The following RUNX1T1 variants were observed in gnomAD, a reference collection of about 807,000 sequenced individuals.
RUNX1T1 encodes the protein protein CBFA2T1.
RUNX1T1 carries 4 observed loss-of-function variants against 62.8 expected under a neutral mutation model. The ratio of observed to expected loss-of-function variants is 0.06; its 90% confidence interval spans 0.03 to 0.15. RUNX1T1 has a LOEUF of 0.15. RUNX1T1 is among the 10% of genes least tolerant of loss of function. The probability of loss-of-function intolerance (pLI) is 1.00; values close to 1 mark genes in which losing one functional copy is unlikely to be tolerated. For synonymous variants in RUNX1T1, 291 were observed against 286.0 expected, an observed-to-expected ratio of 1.02 and a Z score of -0.18; for missense variants, 508 against 754.3, an observed-to-expected ratio of 0.67 and a Z score of 3.82.
At chr8:91,963,101 TA>T (rs1200764254) in intron 10 of RUNX1T1, among the ~76,000 whole-genome samples, 1 of 152,154 alleles carries the variant, frequency 6.6e-6, no homozygotes, top group Non-Finnish European at 1.5e-5. Flanking sequence ...ATTTTACAAA[TA>T]AAAAAGTGGA....
At chr8:92,083,439 T>C (rs1169561173) in intron 1 of RUNX1T1, among the ~76,000 whole-genome samples, 1 of 152,098 alleles carries the variant, frequency 6.6e-6, no homozygotes, top group African/African-American at 2.4e-5. Context: ...GTGTGAAGCA[T>C]ATCAACAGAC....
At chr8:92,009,688 C>T (rs1261260096) in intron 4 of RUNX1T1, 2 of 151,366 alleles carry the variant, frequency 1.3e-5, no homozygotes, top group Non-Finnish European at 2.9e-5. Flanking sequence ...GAAAACAACG[C>T]TTTCTGAGAA....
intron 1 of RUNX1T1, among the ~76,000 whole-genome samples, chr8:92,096,048 C>T (rs191500088): frequency 6.6e-6 from 1 of 152,170 alleles, no homozygotes. Flanking sequence ...GTTCTTGTCC[C>T]TTTCTTTGCT....
At chr8:91,983,399 A>G (rs1228227649) in intron 8 of RUNX1T1, among the ~76,000 whole-genome samples, 2 of 152,130 alleles carry the variant, frequency 1.3e-5, no homozygotes, top group African/African-American at 4.8e-5. Context: ...GCAGTCCCCA[A>G]ATATAATTTT....
At chr8:92,093,558 T>C (rs1837351603) in intron 1 of RUNX1T1, among the ~76,000 whole-genome samples, 1 of 152,214 alleles carries the variant, frequency 6.6e-6, no homozygotes, top group South Asian at 2.1e-4. Context: ...CATTATCGCT[T>C]CTCGGCCTTT....
chr8:91,972,976 T>C (rs1341964763), intron 9 of RUNX1T1, among the ~76,000 whole-genome samples: 1 of 152,038 alleles, frequency 6.6e-6, no homozygotes, highest in East Asian at 1.9e-4. Context: ...ATACTACTTT[T>C]AGAGGAGAAT....
upstream of RUNX1T1, among the ~76,000 whole-genome samples, chr8:92,065,443 T>C (rs1335504693): frequency 6.6e-6 from 1 of 152,216 alleles, no homozygotes; most frequent in East Asian, 1.9e-4. Flanking sequence ...GGTTAATGTA[T>C]GTCACTGAAT....
At chr8:92,004,323 CTA>C (rs1820316356) in intron 5 of RUNX1T1, 1 of 152,142 alleles carries the variant, frequency 6.6e-6, no homozygotes, top group South Asian at 2.1e-4. Context: ...TTCAAAAACA[CTA>C]TGCAAAATGA....
chr8:91,986,993 GAAT>G lies in RUNX1T1; in HGVS notation c.911-24_911-22del, dbSNP rs748466199. 10 of 1,514,500 alleles carry G rather than the reference GAAT, an allele frequency of 6.6e-6. No homozygotes were observed. In the South Asian group the frequency reaches 1.1e-4, roughly 17 times the overall value. The allele number at this position is 1,514,500 out of a possible 1,614,324, so 93.8% of individuals were successfully genotyped here. A position where few individuals can be genotyped will look rare whatever the true frequency, so the allele number is the denominator to read the frequency against. ...CAACCCTACAAAAATAGAGAAGGCTGAATAACCCTAAAGCATTCAGTACACAAC... is the reference window on the plus strand; with the variant it reads ...CAACCCTACAAAAATAGAGAAGGCTGAACCCTAAAGCATTCAGTACACAAC... On this transcript the variant is annotated intron_variant, in intron 6 of 10. Transcript: ENST00000396218.
chr8:91,993,212 TTGTC>T lies in RUNX1T1; in HGVS notation c.660-1327_660-1324del, dbSNP rs535679362. Among the ~76,000 whole-genome samples, 457 of 152,270 alleles carry T rather than the reference TTGTC, an allele frequency of 3.0e-3. 5 individuals carry two copies. The highest frequency in any genetic ancestry group is 2.7e-3 in the Non-Finnish European group (182 of 68,014). On this transcript the variant is annotated intron_variant, in intron 5 of 10. Coordinates refer to ENST00000396218, the Ensembl canonical transcript of RUNX1T1. ...GGCATCTAGTGATGGCATCCAGTCTTTGTCTGCTAACACTAGAGCAATTCAGGTG... is the reference window on the plus strand; with the variant it reads ...GGCATCTAGTGATGGCATCCAGTCTTTGCTAACACTAGAGCAATTCAGGTG...
intron 8 of RUNX1T1, among the ~76,000 whole-genome samples, chr8:91,981,826 G>C (rs1815349045): frequency 6.6e-6 from 1 of 152,082 alleles, no homozygotes. Context: ...CAGAGTGAAG[G>C]TATTTTTCTA....
chr8:92,095,367 G>A (rs1837638961), intron 1 of RUNX1T1: 1 of 1,535,408 alleles, frequency 6.5e-7, no homozygotes, highest in Non-Finnish European at 8.7e-7. Context: ...AGGAGCGCGG[G>A]AGAGCGGCCG....
intron 1 of RUNX1T1, among the ~76,000 whole-genome samples, chr8:92,025,836 T>C (rs1373630512): frequency 6.6e-6 from 1 of 152,200 alleles, no homozygotes; most frequent in Admixed American, 6.5e-5. Context: ...AATTAATCAC[T>C]AAAGATAAAT....
chr8:91,982,913 A>G (rs2130789986), intron 8 of RUNX1T1, among the ~76,000 whole-genome samples: 1 of 147,776 alleles, frequency 6.8e-6, no homozygotes, highest in Admixed American at 7.0e-5. Flanking sequence ...TATCTTAGGA[A>G]AATACTTTTT....
chr8:92,012,752 CA>C (rs34797716), intron 3 of RUNX1T1, among the ~76,000 whole-genome samples: 317 of 138,790 alleles, frequency 2.3e-3, no homozygotes, highest in South Asian at 6.7e-3. Flanking sequence ...ATCACTCCCT[CA>C]AAAAAAAAAA....
At chr8:91,999,311 C>T (rs1161215333) in intron 5 of RUNX1T1, among the ~76,000 whole-genome samples, 1 of 152,102 alleles carries the variant, frequency 6.6e-6, no homozygotes, top group African/African-American at 2.4e-5. Context: ...ATAGAGATGG[C>T]TTCAAATTGT....
chr8:92,038,255 T>C (rs1462086947), intron 1 of RUNX1T1, among the ~76,000 whole-genome samples: 1 of 151,914 alleles, frequency 6.6e-6, no homozygotes, highest in African/African-American at 2.4e-5. Flanking sequence ...GAGTTTAATC[T>C]CTCTCCCAGA....
At chr8:92,069,044 C>T (rs1003449459) in intron 2 of RUNX1T1, among the ~76,000 whole-genome samples, 2 of 152,130 alleles carry the variant, frequency 1.3e-5, no homozygotes, top group South Asian at 4.2e-4. Context: ...TAAATAAATT[C>T]AAATGCAAAC....
intron 1 of RUNX1T1, chr8:92,095,559 G>A: frequency 2.1e-6 from 3 of 1,454,720 alleles, no homozygotes; most frequent in South Asian, 2.9e-5. Context: ...CCAGATGGAG[G>A]CAGGAAAATA....
Sources: allele counts gnomAD v4.1 joint callset (sites outside exome capture counted in the v4.1 genomes callset), GRCh38; gene constraint gnomAD v4.1.1; transcripts MANE v1.5; gene names NCBI Gene and HGNC (gene_info 2026-07-23, HGNC 2026-07-21).